NUP210: variants seen among roughly 807,000 people sequenced by gnomAD.
NUP210 encodes nuclear pore membrane glycoprotein 210.
A neutral mutation model predicts 196.0 loss-of-function variants in NUP210; 151 were observed. The observed-to-expected ratio is 0.77, with a 90% confidence interval of 0.67 to 0.88. The LOEUF is 0.88. NUP210 is among the 40% of genes least tolerant of loss of function. The pLI, the probability that NUP210 is intolerant of heterozygous loss-of-function variation, is 0.00. For synonymous variants in NUP210, 1,070 were observed against 1,052.7 expected (o/e 1.02, Z -0.32); for missense variants, 2,314 against 2,493.7 (o/e 0.93, Z 1.53).
At chr3:13,374,292 A>T (rs780408949) in intron 11 of NUP210, among the ~76,000 whole-genome samples, 4 of 152,100 alleles carry the variant, frequency 2.6e-5, no homozygotes, top group Non-Finnish European at 5.9e-5. Context: ...ACTCACATAC[A>T]TTCACCTACT....
intron 11 of NUP210, 84 bp from the exon 12 acceptor site, chr3:13,373,957 C>T (rs1698814639): frequency 2.7e-6 from 4 of 1,464,768 alleles, no homozygotes; most frequent in South Asian, 2.5e-5. Context: ...CGTGCGTGTG[C>T]ATGCACGTAC....
intron 1 of NUP210, among the ~76,000 whole-genome samples, chr3:13,401,786 T>G (rs1250101616): frequency 6.6e-6 from 1 of 152,008 alleles, no homozygotes; most frequent in Non-Finnish European, 1.5e-5. Flanking sequence ...CACAGGGCAG[T>G]AGAGGCTAAG....
chr3:13,338,209 G>A (rs1348481908), intron 25 of NUP210, among the ~76,000 whole-genome samples: 3 of 152,146 alleles, frequency 2.0e-5, no homozygotes, highest in Non-Finnish European at 4.4e-5. Context: ...ACTTGGGGCC[G>A]GGGACTGGTG....
intron 4 of NUP210, 52 bp downstream of exon 4, chr3:13,391,159 C>T: frequency 1.5e-6 from 2 of 1,317,336 alleles, no homozygotes; most frequent in African/African-American, 1.5e-5. Flanking sequence ...CACAGGTGTC[C>T]CCCTTTCCCC....
chr3:13,374,646 G>A (rs1344995566), intron 11 of NUP210, among the ~76,000 whole-genome samples: 3 of 152,170 alleles, frequency 2.0e-5, no homozygotes, highest in South Asian at 2.1e-4. Flanking sequence ...GGAGTGGGAC[G>A]AACCCTTGGT....
At chr3:13,317,865 C>T in intron 39 of NUP210, 84 bp from the exon 40 acceptor site, 1 of 947,382 alleles carries the variant, frequency 1.1e-6, no homozygotes, top group Non-Finnish European at 1.6e-6. Context: ...TCAGCAGGCG[C>T]CTGCCTCACC....
chr3:13,364,173 A>G (rs1288985464), intron 14 of NUP210, among the ~76,000 whole-genome samples: 2 of 152,090 alleles, frequency 1.3e-5, no homozygotes, highest in African/African-American at 2.4e-5. Context: ...TGCTTTGTTT[A>G]TGGTCATCTC....
In NUP210 at chr3:13,348,921, G is replaced by T. The variant is rs1418298786; in HGVS notation, c.2835+2958C>A. 1.8e-5 allele frequency: 18 copies of T among 984,212 alleles called. No homozygotes were observed. The highest frequency in any genetic ancestry group is 2.2e-5 in the Non-Finnish European group (18 of 828,946). The allele number at this position is 984,212 out of a possible 1,614,324, so 61.0% of individuals were successfully genotyped here. ...AATTAAAAAACTTATTAAACAGGGG[G>T]TGTTTCACACAAAAATAGAGATCTC... On this transcript the variant is annotated intron_variant, in intron 20 of 39. Coordinates refer to ENST00000254508, the MANE Select transcript of NUP210 (RefSeq NM_024923.4). The surrounding 1 kb of genome is among the most constrained non-coding windows in gnomAD (Gnocchi z 4.0).
chr3:13,416,819 C>T (rs1056091298), intron 1 of NUP210, among the ~76,000 whole-genome samples: 1 of 152,262 alleles, frequency 6.6e-6, no homozygotes, highest in Admixed American at 6.5e-5. Flanking sequence ...GCCCAAATAA[C>T]CAGGTTCAAG....
chr3:13,321,489 C>G, intron 36 of NUP210, 96 bp downstream of exon 36: 1 of 1,323,500 alleles, frequency 7.6e-7, no homozygotes, highest in Non-Finnish European at 1.0e-6. Context: ...TTAAAGAGAG[C>G]TGGCCCAGGA....
At chr3:13,365,255 C>T (rs1047114325) in intron 14 of NUP210, among the ~76,000 whole-genome samples, 2 of 152,222 alleles carry the variant, frequency 1.3e-5, no homozygotes, top group East Asian at 3.8e-4. Flanking sequence ...AGACTGTGTT[C>T]TGAGCTCATT....
Position 13,360,296 on chromosome 3 carries a change from C to T in NUP210, c.2128G>A (p.Val710Met), listed in dbSNP as rs1698326336. 6.2e-7 allele frequency: 1 copy of T among 1,614,232 alleles called. No homozygotes were observed. The highest frequency in any genetic ancestry group is 8.5e-7 in the Non-Finnish European group (1 of 1,180,046). Reference sequence around the variant, plus strand: ...TGCTCACCCAAGGCCTGACAGGTCACAAGGATCCAGTGTTGCTGATAATTC... The same window carrying T: ...TGCTCACCCAAGGCCTGACAGGTCATAAGGATCCAGTGTTGCTGATAATTC... ...SRNYQQHWIL[V>M]TCQALGEQVI... The change falls in exon 15 of 40, where the codon GTG becomes ATG. Residue 710 changes from valine (V) to methionine (M), a missense_variant. Val to Met is a conservative substitution (Grantham distance 21, BLOSUM62 1). Transcript: ENST00000254508.
Position 13,397,507 on chromosome 3 carries a change from G to A in NUP210, c.305-19C>T, listed in dbSNP as rs764503774. 1.9e-6 allele frequency: 3 copies of A among 1,581,072 alleles called. No individual in the cohort carries two copies. Among genetic ancestry groups the A allele is most frequent in the South Asian group, 2.3e-5 (2 of 86,638 alleles). ...CCTGTGGCTGGAGGAACCCCAGGAA[G>A]GGGTCAGCACCAAAGACAGTCCCCG... is the stretch of plus-strand genomic sequence containing the variant. On this transcript the variant is annotated intron_variant, in intron 2 of 39. Transcript: ENST00000254508.
At chr3:13,418,474 C>T (rs535779450) in intron 1 of NUP210, among the ~76,000 whole-genome samples, 1 of 152,212 alleles carries the variant, frequency 6.6e-6, no homozygotes. Flanking sequence ...TGGTGGCTCA[C>T]GCCTGTAATC....
At chr3:13,419,967 C>A (rs866639334) in intron 1 of NUP210, 93 bp downstream of exon 1, 6 of 845,826 alleles carry the variant, frequency 7.1e-6, no homozygotes, top group Non-Finnish European at 8.8e-6. Context: ...GCGCACCTGC[C>A]GGCTCTGCCG....
At chr3:13,318,980 A>G (rs1487614249) in intron 39 of NUP210, 92 bp downstream of exon 39, 15 of 1,251,156 alleles carry the variant, frequency 1.2e-5, no homozygotes, top group Non-Finnish European at 2.2e-6. Context: ...GGGCCTGTTG[A>G]GACTTAGGGT....
chr3:13,407,579 C>T (rs1315761445), intron 1 of NUP210, among the ~76,000 whole-genome samples: 2 of 151,832 alleles, frequency 1.3e-5, no homozygotes, highest in African/African-American at 4.9e-5. Context: ...TCCCACTCCT[C>T]CCTCCCTCCC....
Position 13,353,580 on chromosome 3 carries a change from G to T in NUP210, c.2602C>A (p.Leu868Ile). The T allele has an allele frequency of 1.9e-6, 3 of 1,614,100 alleles. No homozygotes were observed. The highest frequency in any genetic ancestry group is 1.7e-4 in the Middle Eastern group (1 of 6,060). The change falls in exon 18 of 40, where the codon CTC becomes ATC. Residue 868 changes from leucine to isoleucine, a missense_variant. Coordinates refer to ENST00000254508, the MANE Select transcript of NUP210 (RefSeq NM_024923.4). Reference protein sequence around the residue: ...ATATGYQESHLSSARTKQPHD... With the variant: ...ATATGYQESHISSARTKQPHD... Reference sequence around the variant, plus strand: ...GGCTGCTTTGTTCTGGCAGAGCTGAGGTGGGACTCCTGGTAGCCAGTGGCA... The same window carrying T: ...GGCTGCTTTGTTCTGGCAGAGCTGATGTGGGACTCCTGGTAGCCAGTGGCA...
intron 28 of NUP210, among the ~76,000 whole-genome samples, chr3:13,333,960 C>T (rs1048938006): frequency 5.9e-5 from 9 of 152,146 alleles, no homozygotes; most frequent in African/African-American, 1.9e-4. Context: ...CAGGGAGTGG[C>T]GGGGCCTGTG....
Sources: allele counts gnomAD v4.1 joint callset (sites outside exome capture counted in the v4.1 genomes callset), GRCh38; gene constraint gnomAD v4.1.1; non-coding constraint Gnocchi (gnomAD v3.1); transcripts MANE v1.5; gene names NCBI Gene and HGNC (gene_info 2026-07-23, HGNC 2026-07-21).